Variants in EHMT1 observed in about 807,000 individuals in gnomAD.
EHMT1 encodes the protein histone-lysine N-methyltransferase EHMT1.
In EHMT1, 15 loss-of-function variants were observed where a neutral mutation model predicts 147.2. The observed-to-expected ratio is 0.10, with a 90% CI of 0.07 to 0.16. EHMT1 has a LOEUF of 0.16. Among genes scored for constraint, EHMT1 ranks in the 10% least tolerant of loss-of-function variants. The probability of loss-of-function intolerance (pLI) is 1.00; values close to 1 mark genes in which losing one functional copy is unlikely to be tolerated. For missense variants in EHMT1, 1,587 were observed against 1,772.4 expected (o/e 0.90, Z 1.88); for synonymous variants, 795 against 709.6 (o/e 1.12, Z -1.91).
intron 16 of EHMT1, among the ~76,000 whole-genome samples, chr9:137,796,069 C>A (rs530487874): frequency 6.6e-6 from 1 of 152,194 alleles, no homozygotes; most frequent in Admixed American, 6.5e-5. Flanking sequence ...CTGATGGCAT[C>A]GAAAGCGAGA....
intron 16 of EHMT1, among the ~76,000 whole-genome samples, chr9:137,796,744 A>G (rs1427711630): frequency 3.3e-5 from 5 of 150,968 alleles, no homozygotes; most frequent in Admixed American, 1.3e-4. Flanking sequence ...ACAGAAAAAT[A>G]GGCAAAGAAC....
intron 18 of EHMT1, among the ~76,000 whole-genome samples, 178 bp from the exon 19 acceptor site, chr9:137,811,283 T>C (rs1225419210): frequency 6.6e-6 from 1 of 152,170 alleles, no homozygotes; most frequent in Non-Finnish European, 1.5e-5. Flanking sequence ...AGAGTTGAGA[T>C]GGGCGCTAGG....
At position 137,754,374 on chromosome 9, in the gene EHMT1, G is replaced by A. The variant is rs184632889; in HGVS notation, c.1369+83G>A. On this transcript the variant is annotated intron_variant, in intron 8 of 26. Coordinates refer to ENST00000460843, the MANE Select transcript of EHMT1 (RefSeq NM_024757.5). ...GGAGGCCCACCTGGGGTTGGGGTGC[G>A]TAGGATTTCATTAGAAAAGAGGGCA... is the stretch of plus-strand genomic sequence containing the variant. 381 of 1,572,836 alleles carry A rather than the reference G, an allele frequency of 2.4e-4. 3 individuals carry two copies. Among genetic ancestry groups the A allele is most frequent in the East Asian group, 2.0e-3 (87 of 44,358 alleles).
At chr9:137,834,249 C>T in intron 25 of EHMT1, 100 bp from the exon 26 acceptor site, 1 of 1,497,232 alleles carries the variant, frequency 6.7e-7, no homozygotes, top group Non-Finnish European at 9.1e-7. Flanking sequence ...GGCCTGCGCC[C>T]AACTGCAGGC....
intron 6 of EHMT1, among the ~76,000 whole-genome samples, chr9:137,744,457 C>G (rs748427033): frequency 5.9e-5 from 9 of 152,100 alleles, no homozygotes; most frequent in Non-Finnish European, 1.0e-4. Flanking sequence ...CAGCTGGGAC[C>G]ACAGGCTCAC....
intron 3 of EHMT1, 94 bp from the exon 4 acceptor site, chr9:137,728,255 A>G: frequency 6.5e-7 from 1 of 1,535,080 alleles, no homozygotes. Flanking sequence ...GTTGTGGGGA[A>G]TTATCGGGGA....
chr9:137,791,194 G>C (rs776398156), intron 16 of EHMT1, among the ~76,000 whole-genome samples: 1 of 152,162 alleles, frequency 6.6e-6, no homozygotes, highest in Admixed American at 6.5e-5. Context: ...ACAGGTGAGC[G>C]AATGACGGGT....
intron 4 of EHMT1, among the ~76,000 whole-genome samples, chr9:137,733,357 G>A (rs1947280222): frequency 6.6e-6 from 1 of 152,186 alleles, no homozygotes; most frequent in Non-Finnish European, 1.5e-5. Flanking sequence ...AATCCTCGCA[G>A]TACCAAAAAC....
chr9:137,821,318 C>CT (rs778919891), intron 25 of EHMT1, among the ~76,000 whole-genome samples: 29,122 of 63,862 alleles, frequency 0.46, 8,584 homozygotes, highest in Non-Finnish European at 0.55. Context: ...TGCGCCCGGC[C>CT]TTTTTTTTTT....
intron 13 of EHMT1, among the ~76,000 whole-genome samples, chr9:137,778,731 C>G (rs1197350917): frequency 6.6e-6 from 1 of 152,228 alleles, no homozygotes; most frequent in African/African-American, 2.4e-5. Context: ...TCCCCCATCC[C>G]TTGGTGATTG....
rs755447811 is a variant in EHMT1, at chr9:137,798,910, G to C, written c.2603G>C (p.Cys868Ser). The C allele has an allele frequency of 1.9e-6, 3 of 1,613,122 alleles. No homozygotes were observed. Among genetic ancestry groups the C allele is most frequent in the East Asian group, 4.5e-5 (2 of 44,880 alleles). The change falls in exon 17 of 27, where the codon TGT (cysteine) becomes TCT (serine). Residue 868 changes from cysteine (C) to serine (S), a missense_variant. Cys to Ser is a moderately radical substitution (Grantham distance 112). Around this residue, in one of 7 missense-constraint regions of EHMT1, gnomAD observed 201 missense variants for 350.1 expected, o/e 0.57. Transcript: ENST00000460843. ...LLSNGQMDVN[C>S]QDDGGWTPMI... ...TCAAATGGACAGATGGACGTCAACT[G>C]TCAGGTACAGCCACCCCCTCCCCTT...
In EHMT1 at chr9:137,753,056, G is replaced by A. The variant is rs192169834; in HGVS notation, c.1248+648G>A. ...GGTGTTGGAAATGGGTAAGAGCAGC[G>A]AGTCCCCAGGATGGAGCCTCAGGAA... On this transcript the variant is annotated intron_variant, in intron 7 of 26. Transcript: ENST00000460843. Among the ~76,000 whole-genome samples, 34 of 152,254 alleles carry A rather than the reference G, an allele frequency of 2.2e-4. No homozygotes were observed. In the East Asian group the frequency reaches 5.2e-3, roughly 23 times the overall value.
intron 6 of EHMT1, among the ~76,000 whole-genome samples, chr9:137,749,929 C>G (rs189152223): frequency 1.3e-5 from 2 of 152,328 alleles, no homozygotes; most frequent in South Asian, 2.1e-4. Context: ...GATGGTCAGT[C>G]GTGAAGCAAG....
intron 18 of EHMT1, chr9:137,802,681 C>A: frequency 1.8e-6 from 1 of 555,994 alleles, no homozygotes; most frequent in Non-Finnish European, 2.7e-6. Context: ...CACCTCCCAC[C>A]TAGAAACAGG....
intron 8 of EHMT1, among the ~76,000 whole-genome samples, chr9:137,756,458 G>A (rs924151680): frequency 2.6e-5 from 4 of 152,198 alleles, no homozygotes; most frequent in East Asian, 1.9e-4. Context: ...CTGTTAACTG[G>A]ATGTTGGGGA....
At chr9:137,745,514 T>C (rs1948467779) in intron 6 of EHMT1, 4 of 398,540 alleles carry the variant, frequency 1.0e-5, no homozygotes, top group Non-Finnish European at 8.8e-6. Context: ...CCCATTGTCC[T>C]GGTGGCTCTG....
chr9:137,826,672 C>T (rs764850458), intron 25 of EHMT1, among the ~76,000 whole-genome samples: 27 of 152,236 alleles, frequency 1.8e-4, no homozygotes, highest in Non-Finnish European at 3.4e-4. Flanking sequence ...CCAAGACAGG[C>T]GGGTGGAGCC....
At chr9:137,726,834 T>C (rs553998760) in intron 3 of EHMT1, among the ~76,000 whole-genome samples, 22 of 152,344 alleles carry the variant, frequency 1.4e-4, no homozygotes, top group African/African-American at 5.3e-4. Context: ...TCCCCAATGA[T>C]GTTAAGCATT....
intron 18 of EHMT1, among the ~76,000 whole-genome samples, 200 bp from the exon 19 acceptor site, chr9:137,811,261 G>A (rs1272452594): frequency 1.3e-5 from 2 of 151,998 alleles, no homozygotes; most frequent in East Asian, 1.9e-4. Context: ...AACATGAAAC[G>A]AAGTGCCTTC....
Sources: allele counts gnomAD v4.1 joint callset (sites outside exome capture counted in the v4.1 genomes callset), GRCh38; gene constraint gnomAD v4.1.1; regional missense constraint gnomAD v4.1.1; transcripts MANE v1.5; gene names NCBI Gene and HGNC (gene_info 2026-07-23, HGNC 2026-07-21).